NRXN1: variants seen among roughly 807,000 people sequenced by gnomAD.
NRXN1 encodes the protein neurexin 1.
In NRXN1, 39 loss-of-function variants were observed where a neutral mutation model predicts 150.9. The ratio of observed to expected loss-of-function variants is 0.26; its 90% CI spans 0.20 to 0.34. The LOEUF (loss-of-function observed/expected upper bound fraction) is 0.34. Among genes scored for constraint, NRXN1 ranks in the 10% least tolerant of loss-of-function variants. The probability of loss-of-function intolerance (pLI) is 1.00; values close to 1 mark genes in which losing one functional copy is unlikely to be tolerated. For missense variants in NRXN1, 1,815 were observed against 1,949.9 expected, an observed-to-expected ratio of 0.93 and a Z score of 1.30; for synonymous variants, 924 against 757.0, an observed-to-expected ratio of 1.22 and a Z score of -3.62.
At chr2:50,354,802 C>T (rs901281564) in intron 17 of NRXN1, among the ~76,000 whole-genome samples, 2 of 151,772 alleles carry the variant, frequency 1.3e-5, no homozygotes, top group East Asian at 1.9e-4. Context: ...GCCTCCAGTC[C>T]AACCAGCATC....
At chr2:50,845,067 G>C (rs1278183657) in intron 5 of NRXN1, among the ~76,000 whole-genome samples, 1 of 150,950 alleles carries the variant, frequency 6.6e-6, no homozygotes, top group African/African-American at 2.4e-5. Flanking sequence ...TATTGCCCAG[G>C]CTGGTCTTGA....
intron 18 of NRXN1, among the ~76,000 whole-genome samples, chr2:50,169,065 C>T (rs1257183940): frequency 1.3e-5 from 2 of 152,170 alleles, no homozygotes; most frequent in Non-Finnish European, 2.9e-5. Flanking sequence ...AATAATAGCT[C>T]ATATTGAGCA....
chr2:50,282,730 A>T (rs1453840274), intron 17 of NRXN1, among the ~76,000 whole-genome samples: 2 of 152,208 alleles, frequency 1.3e-5, no homozygotes, highest in African/African-American at 4.8e-5. Flanking sequence ...CTTTGAAAAT[A>T]TGACTCAATT....
At chr2:50,329,081 A>G (rs768901033) in intron 17 of NRXN1, among the ~76,000 whole-genome samples, 7 of 152,204 alleles carry the variant, frequency 4.6e-5, no homozygotes, top group Admixed American at 6.5e-5. Flanking sequence ...ACAGGAAAAT[A>G]TTACATTCCT....
chr2:50,161,949 G>T (rs2059388838), intron 18 of NRXN1, among the ~76,000 whole-genome samples: 1 of 152,048 alleles, frequency 6.6e-6, no homozygotes, highest in Non-Finnish European at 1.5e-5. Context: ...ACACAAAAGA[G>T]TTCAGGGACA....
In NRXN1 at chr2:50,772,253, T is replaced by C. The variant is rs1703099476; in HGVS notation, c.833-148638A>G. On this transcript the variant is annotated intron_variant, in intron 5 of 22. Coordinates refer to ENST00000401669, the MANE Select transcript of NRXN1 (RefSeq NM_001330078.2). ...ATATCTGGGATAGGCTCCTGCAGCA[T>C]ACAAAGTTGGATATATTGCAGGGTT... Among the ~76,000 whole-genome samples, 3 of 151,772 alleles carry C rather than the reference T, an allele frequency of 2.0e-5. No individual in the cohort carries two copies. In the South Asian group the frequency reaches 6.2e-4, roughly 32 times the overall value.
chr2:50,551,588 G>A (rs1165273931), intron 9 of NRXN1, among the ~76,000 whole-genome samples: 1 of 152,092 alleles, frequency 6.6e-6, no homozygotes, highest in East Asian at 1.9e-4. Flanking sequence ...TTGGTTGGGG[G>A]TGGGTGAAGT....
At chr2:50,210,007 C>G (rs776063321) in intron 18 of NRXN1, among the ~76,000 whole-genome samples, 5 of 151,962 alleles carry the variant, frequency 3.3e-5, no homozygotes, top group Non-Finnish European at 5.9e-5. Flanking sequence ...AACTCTCTAA[C>G]AGTATATTTT....
chr2:50,003,439 A>G (rs1446489664), intron 21 of NRXN1, among the ~76,000 whole-genome samples: 3 of 152,124 alleles, frequency 2.0e-5, no homozygotes, highest in African/African-American at 7.2e-5. Flanking sequence ...TATTTTGCCA[A>G]TGTGAGGAAA....
intron 21 of NRXN1, among the ~76,000 whole-genome samples, chr2:49,959,264 A>C (rs542197721): frequency 3.0e-4 from 46 of 152,296 alleles, no homozygotes; most frequent in African/African-American, 1.1e-3. Flanking sequence ...ATGAAGATGA[A>C]GTAATATAAT....
chr2:50,281,145 A>T (rs2071388522), intron 17 of NRXN1, among the ~76,000 whole-genome samples: 1 of 120,834 alleles, frequency 8.3e-6, no homozygotes, highest in South Asian at 3.1e-4. Context: ...TCTACTAAAA[A>T]TACAAAAAAA....
intron 2 of NRXN1, among the ~76,000 whole-genome samples, chr2:50,982,429 C>T (rs1332020078): frequency 2.0e-5 from 3 of 152,120 alleles, no homozygotes; most frequent in Admixed American, 6.6e-5. Flanking sequence ...AGAATGTACA[C>T]TGAATACATG....
intron 21 of NRXN1, among the ~76,000 whole-genome samples, chr2:49,987,264 G>C (rs1050937545): frequency 6.6e-6 from 1 of 151,948 alleles, no homozygotes; most frequent in African/African-American, 2.4e-5. Flanking sequence ...GTGAGAACAT[G>C]CAGTAAAATT....
At chr2:50,784,187 T>C (rs1052846508) in intron 5 of NRXN1, among the ~76,000 whole-genome samples, 1 of 152,146 alleles carries the variant, frequency 6.6e-6, no homozygotes, top group Non-Finnish European at 1.5e-5. Flanking sequence ...ATATCAGGAA[T>C]TGTGCTAGGC....
chr2:50,873,893 T>C (rs953608996), intron 5 of NRXN1, among the ~76,000 whole-genome samples: 8 of 151,794 alleles, frequency 5.3e-5, no homozygotes, highest in African/African-American at 1.9e-4. Context: ...AACCAGTGAA[T>C]GAAATAAATT....
intron 17 of NRXN1, among the ~76,000 whole-genome samples, chr2:50,279,222 TA>T (rs1284124849): frequency 1.3e-5 from 2 of 152,172 alleles, no homozygotes; most frequent in African/African-American, 4.8e-5. Flanking sequence ...CAGTTATCTA[TA>T]AAACAGCCCT....
At chr2:50,554,570 G>A (rs992837993) in intron 8 of NRXN1, 2 of 152,102 alleles carry the variant, frequency 1.3e-5, no homozygotes, top group South Asian at 2.1e-4. Flanking sequence ...CTACATAAAG[G>A]CATTCATTCC....
At chr2:50,653,742 A>T (rs1397318061) in intron 5 of NRXN1, among the ~76,000 whole-genome samples, 1 of 152,054 alleles carries the variant, frequency 6.6e-6, no homozygotes, top group Non-Finnish European at 1.5e-5. Flanking sequence ...TATTGCTTTT[A>T]CATAAGCATA....
At chr2:50,878,961 G>A (rs1679026840) in intron 5 of NRXN1, among the ~76,000 whole-genome samples, 1 of 151,924 alleles carries the variant, frequency 6.6e-6, no homozygotes, top group Non-Finnish European at 1.5e-5. Context: ...AGAGCACCAT[G>A]ATGGGTAATT....
Sources: allele counts gnomAD v4.1 joint callset (sites outside exome capture counted in the v4.1 genomes callset), GRCh38; gene constraint gnomAD v4.1.1; transcripts MANE v1.5; gene names NCBI Gene and HGNC (gene_info 2026-07-23, HGNC 2026-07-21).